The following SLIT2 variants were observed in gnomAD, a reference collection of about 807,000 sequenced individuals.
SLIT2 encodes slit homolog 2 protein.
In SLIT2, 41 loss-of-function variants were observed where a neutral mutation model predicts 185.7. That is an observed-to-expected ratio of 0.22 (90% CI 0.17 to 0.29). The LOEUF (loss-of-function observed/expected upper bound fraction) is 0.29, where lower values mean the gene tolerates loss of function less well. Ranked by LOEUF, SLIT2 falls within the 10% of genes least tolerant of loss-of-function variation. The pLI is 1.00. For missense variants in SLIT2, 1,571 were observed against 1,909.0 expected (o/e 0.82, Z 3.30); for synonymous variants, 693 against 680.2 (o/e 1.02, Z -0.29).
intron 4 of SLIT2, among the ~76,000 whole-genome samples, chr4:20,345,410 A>G (rs900270805): frequency 1.3e-5 from 2 of 152,078 alleles, no homozygotes; most frequent in Non-Finnish European, 2.9e-5. Flanking sequence ...ATCCTATTGC[A>G]CACTTTTCCC....
intron 29 of SLIT2, among the ~76,000 whole-genome samples, chr4:20,570,088 C>A (rs1272674846): frequency 2.6e-5 from 4 of 151,944 alleles, no homozygotes; most frequent in Non-Finnish European, 4.4e-5. Flanking sequence ...TTTTGGCAAC[C>A]CAGATCTGTT....
At chr4:20,412,598 A>G (rs574541205) in intron 4 of SLIT2, among the ~76,000 whole-genome samples, 1 of 152,096 alleles carries the variant, frequency 6.6e-6, no homozygotes, top group Non-Finnish European at 1.5e-5. Flanking sequence ...TTTATTTCAG[A>G]TATCTGAGGC....
At chr4:20,259,760 CA>C (rs1560261944) in intron 3 of SLIT2, among the ~76,000 whole-genome samples, 2 of 151,786 alleles carry the variant, frequency 1.3e-5, no homozygotes, top group African/African-American at 4.8e-5. Context: ...AAGACTAAGT[CA>C]GATGTTTCAG....
chr4:20,356,184 G>T (rs1410380313), intron 4 of SLIT2, among the ~76,000 whole-genome samples: 1 of 152,074 alleles, frequency 6.6e-6, no homozygotes, highest in Non-Finnish European at 1.5e-5. Flanking sequence ...AGCATAAGAA[G>T]ATTTATTTAA....
intron 33 of SLIT2, among the ~76,000 whole-genome samples, chr4:20,600,399 G>A (rs1240489233): frequency 1.3e-5 from 2 of 149,384 alleles, no homozygotes; most frequent in Non-Finnish European, 3.0e-5. Context: ...TTTATAAAGG[G>A]ACTATTATGT....
intron 4 of SLIT2, among the ~76,000 whole-genome samples, chr4:20,345,980 C>A (rs1721376498): frequency 6.6e-6 from 1 of 151,914 alleles, no homozygotes; most frequent in Non-Finnish European, 1.5e-5. Context: ...TCAACCTAGG[C>A]ACTATTTATT....
intron 4 of SLIT2, among the ~76,000 whole-genome samples, chr4:20,397,682 C>A (rs570487749): frequency 3.2e-4 from 49 of 151,926 alleles, no homozygotes; most frequent in Non-Finnish European, 6.0e-4. Context: ...CAATAATATC[C>A]TCTGATTATT....
intron 18 of SLIT2, among the ~76,000 whole-genome samples, chr4:20,536,558 C>CAAA (rs35710842): frequency 1.2e-4 from 9 of 75,830 alleles, no homozygotes; most frequent in Admixed American, 3.1e-4. Flanking sequence ...AACTCTGTCG[C>CAAA]AAAAAAAAAA....
intron 1 of SLIT2, among the ~76,000 whole-genome samples, chr4:20,255,298 T>C (rs190093446): frequency 1.4e-3 from 208 of 152,312 alleles, no homozygotes; most frequent in Non-Finnish European, 2.3e-3. Flanking sequence ...TCTCTCGCCC[T>C]TAGTTTTAAG....
At chr4:20,322,962 A>G (rs1276648317) in intron 4 of SLIT2, among the ~76,000 whole-genome samples, 4 of 152,194 alleles carry the variant, frequency 2.6e-5, no homozygotes, top group Non-Finnish European at 5.9e-5. Context: ...CATTTTAAAA[A>G]TGCTTCAGAG....
intron 11 of SLIT2, among the ~76,000 whole-genome samples, chr4:20,518,557 GTATATA>G (rs1159322360): frequency 0.071 from 1,266 of 17,838 alleles, 85 homozygotes; most frequent in African/African-American, 0.096. Flanking sequence ...CAGCCTATAT[GTATATA>G]TATATATATA....
intron 4 of SLIT2, among the ~76,000 whole-genome samples, chr4:20,278,372 C>A (rs1261805897): frequency 6.6e-6 from 1 of 152,102 alleles, no homozygotes; most frequent in East Asian, 1.9e-4. Context: ...AAGGATTATA[C>A]CCTCACTTAC....
chr4:20,424,801 A>G (rs1387454248), intron 4 of SLIT2, among the ~76,000 whole-genome samples: 1 of 152,048 alleles, frequency 6.6e-6, no homozygotes, highest in Non-Finnish European at 1.5e-5. Flanking sequence ...TTTTGTTTTC[A>G]TCTCTATATA....
intron 11 of SLIT2, among the ~76,000 whole-genome samples, chr4:20,518,588 T>TATATATATATATATA (rs1475880730): frequency 4.4e-3 from 33 of 7,574 alleles, no homozygotes; most frequent in South Asian, 9.1e-3. Flanking sequence ...TATATATATA[T>TATATATATATATATA]TTTTTTTTTT....
rs1722081712 is a variant in SLIT2 at position 20,252,005 on chromosome 4, C to CGGCGGCGGCGGCGGA, written c.-1805_-1791dup. On this transcript the variant is annotated 5_prime_UTR_variant, in exon 1 of 37. Transcript: ENST00000504154. The stretch of plus-strand genomic sequence containing the variant: ...GTGGTTAAAAAAAAGAAGGCGGCGG[C>CGGCGGCGGCGGCGGA]GGCGGCGGCGGCGGAGGCGGAGGCA... Among the ~76,000 whole-genome samples the CGGCGGCGGCGGCGGA allele has an allele frequency of 6.6e-6, 1 of 151,954 alleles. No homozygotes were observed. The highest frequency in any genetic ancestry group is 1.5e-5 in the Non-Finnish European group (1 of 67,956).
chr4:20,276,428 G>A (rs1203011603), intron 4 of SLIT2, among the ~76,000 whole-genome samples: 1 of 152,102 alleles, frequency 6.6e-6, no homozygotes, highest in Non-Finnish European at 1.5e-5. Flanking sequence ...TCTTAGAGAA[G>A]GAAGCAGTGA....
chr4:20,302,161 T>C lies in SLIT2; in HGVS notation c.395+33280T>C, dbSNP rs555574141. On this transcript the variant is annotated intron_variant, in intron 4 of 36. Transcript: ENST00000504154. The stretch of plus-strand genomic sequence containing the variant: ...CAGAAACACATGACACATTTCAGAG[T>C]TGTGCTTTCACTCATGTTCGAATCT... Among the ~76,000 whole-genome samples, 5 of 152,342 alleles carry C rather than the reference T, an allele frequency of 3.3e-5. No individual in the cohort carries two copies. The East Asian group carries it at 5.8e-4, about 18-fold the overall frequency.
intron 4 of SLIT2, among the ~76,000 whole-genome samples, chr4:20,427,888 A>G (rs565672067): frequency 6.6e-6 from 1 of 152,198 alleles, no homozygotes; most frequent in South Asian, 2.1e-4. Context: ...CTTCATTTCT[A>G]AGTCTTCTGA....
intron 30 of SLIT2, among the ~76,000 whole-genome samples, chr4:20,594,133 A>T (rs535306242): frequency 6.7e-6 from 1 of 149,486 alleles, no homozygotes; most frequent in South Asian, 2.1e-4. Context: ...GTGCATATAT[A>T]TACATATATA....
Sources: allele counts gnomAD v4.1 joint callset (sites outside exome capture counted in the v4.1 genomes callset), GRCh38; gene constraint gnomAD v4.1.1; transcripts MANE v1.5; gene names NCBI Gene and HGNC (gene_info 2026-07-23, HGNC 2026-07-21).